CACNA2D3: variants seen among roughly 807,000 people sequenced by gnomAD.
CACNA2D3 encodes voltage-dependent calcium channel subunit alpha-2/delta-3.
A neutral mutation model predicts 160.6 loss-of-function variants in CACNA2D3; 60 were observed. That is an observed-to-expected ratio of 0.37 (90% confidence interval 0.30 to 0.46). CACNA2D3 has a LOEUF of 0.46. CACNA2D3 is among the 20% of genes least tolerant of loss of function. CACNA2D3 has a pLI of 1.00. For synonymous variants in CACNA2D3, 558 were observed against 492.9 expected (o/e 1.13, Z -1.75); for missense variants, 1,205 against 1,365.0 (o/e 0.88, Z 1.85).
chr3:54,328,595 T>C (rs912980901), intron 3 of CACNA2D3, among the ~76,000 whole-genome samples: 1 of 152,208 alleles, frequency 6.6e-6, no homozygotes, highest in Non-Finnish European at 1.5e-5. Context: ...AGTTATTTTC[T>C]TTAATTACTC....
At chr3:54,507,546 G>A (rs1701390866) in intron 5 of CACNA2D3, among the ~76,000 whole-genome samples, 1 of 152,182 alleles carries the variant, frequency 6.6e-6, no homozygotes, top group Non-Finnish European at 1.5e-5. Context: ...ACTGACACCT[G>A]TGCCTCCTGG....
At chr3:54,526,116 G>A (rs968163473) in intron 5 of CACNA2D3, among the ~76,000 whole-genome samples, 2 of 151,830 alleles carry the variant, frequency 1.3e-5, no homozygotes, top group Non-Finnish European at 1.5e-5. Context: ...TCTCTCTAAA[G>A]AATTTTTTAT....
chr3:54,340,968 C>G (rs749486212), intron 3 of CACNA2D3, among the ~76,000 whole-genome samples: 1 of 152,196 alleles, frequency 6.6e-6, no homozygotes, highest in East Asian at 1.9e-4. Context: ...TTCTCTTTTA[C>G]TCACTGCTCC....
At chr3:54,593,723 T>G (rs1474059657) in intron 9 of CACNA2D3, among the ~76,000 whole-genome samples, 1 of 152,232 alleles carries the variant, frequency 6.6e-6, no homozygotes, top group Non-Finnish European at 1.5e-5. Context: ...GCACATGAGC[T>G]GATTTGTGCT....
Position 54,313,268 on chromosome 3 carries a change from C to A in CACNA2D3, c.205-7174C>A, listed in dbSNP as rs150046621. Among the ~76,000 whole-genome samples the A allele has an allele frequency of 1.1e-4, 17 of 152,190 alleles. No individual in the cohort carries two copies. The East Asian group carries it at 3.1e-3, about 28-fold the overall frequency. On this transcript the variant is annotated intron_variant, in intron 2 of 37. Coordinates refer to ENST00000474759, the MANE Select transcript of CACNA2D3 (RefSeq NM_018398.3). ...GTGTTGCTGTGTCTGGCCCCTAGAA[C>A]CCTTGATGTCTCTCCAGGAGCCCTG...
chr3:54,469,924 G>T (rs1700699326), intron 4 of CACNA2D3, among the ~76,000 whole-genome samples: 1 of 152,144 alleles, frequency 6.6e-6, no homozygotes, highest in African/African-American at 2.4e-5. Flanking sequence ...AGAAATATGG[G>T]ACTATGTGAA....
At chr3:54,201,061 A>G (rs990779638) in intron 2 of CACNA2D3, among the ~76,000 whole-genome samples, 1 of 152,242 alleles carries the variant, frequency 6.6e-6, no homozygotes, top group Admixed American at 6.5e-5. Context: ...GTCTGAAATG[A>G]GACGCTCTGT....
chr3:54,700,007 C>T (rs1700737972), intron 11 of CACNA2D3, among the ~76,000 whole-genome samples: 1 of 152,170 alleles, frequency 6.6e-6, no homozygotes, highest in African/African-American at 2.4e-5. Flanking sequence ...GACACAGGTA[C>T]ACACAAGGTT....
intron 8 of CACNA2D3, 73 bp from the exon 9 acceptor site, chr3:54,581,730 C>A: frequency 1.6e-6 from 2 of 1,228,586 alleles, no homozygotes; most frequent in Non-Finnish European, 2.4e-6. Flanking sequence ...TGTGTGCGTA[C>A]CTCCTTAAAT....
At chr3:54,141,118 A>C (rs1699927461) in intron 2 of CACNA2D3, among the ~76,000 whole-genome samples, 1 of 88,814 alleles carries the variant, frequency 1.1e-5, no homozygotes. Context: ...TGCATGCCTG[A>C]GATGTGTCAT....
At chr3:54,656,399 C>T (rs1699875117) in intron 11 of CACNA2D3, among the ~76,000 whole-genome samples, 1 of 152,350 alleles carries the variant, frequency 6.6e-6, no homozygotes, top group Non-Finnish European at 1.5e-5. Context: ...GAATGGCGGT[C>T]CCCTCCAACA....
In CACNA2D3 at chr3:54,827,297, G is replaced by A. The variant is rs547018644; in HGVS notation, c.1399-9862G>A. Among the ~76,000 whole-genome samples the A allele has an allele frequency of 3.3e-5, 5 of 152,360 alleles. No individual in the cohort carries two copies. In the South Asian group the frequency reaches 8.3e-4, roughly 25 times the overall value. ...GGGTTCAATTTAAGGCTACGTAGAT[G>A]CAAAACATTCACAGCAACGTTTGGT... is the stretch of plus-strand genomic sequence containing the variant. On this transcript the variant is annotated intron_variant, in intron 14 of 37. Transcript: ENST00000474759.
intron 2 of CACNA2D3, among the ~76,000 whole-genome samples, chr3:54,259,259 C>T (rs1702359538): frequency 6.6e-6 from 1 of 152,186 alleles, no homozygotes; most frequent in Non-Finnish European, 1.5e-5. Flanking sequence ...GGATGAGAGC[C>T]TGGCATGGTG....
intron 27 of CACNA2D3, among the ~76,000 whole-genome samples, chr3:54,942,975 G>T (rs980918696): frequency 6.6e-6 from 1 of 152,028 alleles, no homozygotes; most frequent in Non-Finnish European, 1.5e-5. Context: ...AGTGAGCTGA[G>T]ACTGTGCCAC....
At chr3:54,995,791 G>A (rs1334061219) in intron 31 of CACNA2D3, among the ~76,000 whole-genome samples, 1 of 152,220 alleles carries the variant, frequency 6.6e-6, no homozygotes, top group African/African-American at 2.4e-5. Context: ...TGAAACTACT[G>A]ATAGTTTCTA....
At chr3:54,465,727 A>G (rs1700611437) in intron 4 of CACNA2D3, among the ~76,000 whole-genome samples, 1 of 151,916 alleles carries the variant, frequency 6.6e-6, no homozygotes, top group South Asian at 2.1e-4. Flanking sequence ...TTTTGCATCA[A>G]CCTAGAGATG....
chr3:54,357,353 C>G (rs549406956), intron 3 of CACNA2D3, among the ~76,000 whole-genome samples: 1 of 152,144 alleles, frequency 6.6e-6, no homozygotes, highest in African/African-American at 2.4e-5. Context: ...AATACATTCC[C>G]AAAAAGCTGT....
At chr3:54,283,050 T>C (rs779666713) in intron 2 of CACNA2D3, among the ~76,000 whole-genome samples, 4 of 152,196 alleles carry the variant, frequency 2.6e-5, no homozygotes, top group African/African-American at 4.8e-5. Context: ...CCTAAAAGGA[T>C]TTTTACTTTA....
At chr3:54,275,875 G>T (rs1702728182) in intron 2 of CACNA2D3, among the ~76,000 whole-genome samples, 1 of 144,884 alleles carries the variant, frequency 6.9e-6, no homozygotes, top group African/African-American at 2.5e-5. Flanking sequence ...TGATCTGCCT[G>T]CCTTGGCCTC....
Sources: allele counts gnomAD v4.1 joint callset (sites outside exome capture counted in the v4.1 genomes callset), GRCh38; gene constraint gnomAD v4.1.1; transcripts MANE v1.5; gene names NCBI Gene and HGNC (gene_info 2026-07-23, HGNC 2026-07-21).